The following IL1RAPL1 variants were observed in gnomAD, a reference collection of about 807,000 sequenced individuals.
IL1RAPL1 encodes the protein interleukin-1 receptor accessory protein-like 1.
A neutral mutation model predicts 48.4 loss-of-function variants in IL1RAPL1; 3 were observed. That is an observed-to-expected ratio of 0.06 (90% CI 0.03 to 0.16). The LOEUF (loss-of-function observed/expected upper bound fraction) is 0.16, where lower values mean the gene tolerates loss of function less well. IL1RAPL1 is among the 10% of genes least tolerant of loss of function. The pLI, the probability that IL1RAPL1 is intolerant of heterozygous loss-of-function variation, is 1.00. For synonymous variants in IL1RAPL1, 185 were observed against 187.7 expected (o/e 0.99, Z 0.12); for missense variants, 349 against 530.6 (o/e 0.66, Z 3.36).
At chrX:29,547,188 T>G (rs1208028833) in intron 5 of IL1RAPL1, among the ~76,000 whole-genome samples, 1 of 111,884 alleles carries the variant, frequency 8.9e-6, no homozygotes, top group East Asian at 2.8e-4. Context: ...TCAATTAAAA[T>G]TTTTTTATAA....
chrX:28,644,620 C>A (rs1156575543), intron 1 of IL1RAPL1, among the ~76,000 whole-genome samples: 1 of 111,198 alleles, frequency 9.0e-6, no homozygotes, highest in Non-Finnish European at 1.9e-5. Flanking sequence ...GGCTTGTCAG[C>A]CTGCATAATC....
chrX:29,892,871 G>A (rs971299729), intron 6 of IL1RAPL1, among the ~76,000 whole-genome samples: 3 of 112,083 alleles, frequency 2.7e-5, no homozygotes, highest in African/African-American at 9.7e-5. Context: ...TGCTTATGGA[G>A]ACTGCTAGAG....
chrX:29,343,541 C>T (rs1239636192), intron 3 of IL1RAPL1, among the ~76,000 whole-genome samples: 1 of 111,687 alleles, frequency 9.0e-6, no homozygotes, highest in Non-Finnish European at 1.9e-5. Context: ...TTCCACAGAA[C>T]CAAGCACACA....
At chrX:29,879,560 G>T (rs1404889824) in intron 6 of IL1RAPL1, among the ~76,000 whole-genome samples, 1 of 109,376 alleles carries the variant, frequency 9.1e-6, no homozygotes, top group African/African-American at 3.3e-5. Flanking sequence ...AAATCTATAA[G>T]CATAGAGAAA....
At chrX:29,087,134 ATTT>A (rs34132994) in intron 2 of IL1RAPL1, among the ~76,000 whole-genome samples, 2 of 84,677 alleles carry the variant, frequency 2.4e-5, no homozygotes, top group Admixed American at 1.4e-4. Flanking sequence ...TTATTTAAAA[ATTT>A]TTTTTTTTTT....
Position 28,780,197 on chromosome X carries a change from A to T in IL1RAPL1, c.-24-9123A>T, listed in dbSNP as rs540147570. On this transcript the variant is annotated intron_variant, in intron 1 of 10. Coordinates refer to ENST00000378993, the MANE Select transcript of IL1RAPL1 (RefSeq NM_014271.4). ...TCCCAGAGGCTCCACCTTTCCATGGAAAGGATAGCTAATAATCTCTCTTGC... is the reference window on the plus strand; with the variant it reads ...TCCCAGAGGCTCCACCTTTCCATGGTAAGGATAGCTAATAATCTCTCTTGC... Among the ~76,000 whole-genome samples the T allele has an allele frequency of 3.9e-4, 43 of 111,331 alleles. 1 individual carries two copies. The South Asian group carries it at 0.016, about 41-fold the overall frequency.
Position 28,817,515 on chromosome X carries a change from C to G in IL1RAPL1, c.82+28090C>G, listed in dbSNP as rs185829063. Among the ~76,000 whole-genome samples, 669 of 111,178 alleles carry G rather than the reference C, an allele frequency of 6.0e-3. 4 individuals carry two copies. The highest frequency in any genetic ancestry group is 8.8e-3 in the Non-Finnish European group (464 of 52,708). On this transcript the variant is annotated intron_variant, in intron 2 of 10. Transcript: ENST00000378993. ...GACTGCTGGCAGAGTCAATATAATG[C>G]ATAATGTGCTTAGAGACATTTCTGA...
At chrX:29,769,187 A>G (rs1047898326) in intron 6 of IL1RAPL1, among the ~76,000 whole-genome samples, 1 of 111,309 alleles carries the variant, frequency 9.0e-6, no homozygotes, top group African/African-American at 3.3e-5. Context: ...AGATTCAGCC[A>G]CATTGTAGGA....
intron 5 of IL1RAPL1, among the ~76,000 whole-genome samples, chrX:29,664,904 A>G (rs1335117740): frequency 1.8e-5 from 2 of 112,170 alleles, no homozygotes; most frequent in African/African-American, 6.5e-5. Context: ...GTGTCCTTAA[A>G]ATGTTCCTTC....
chrX:28,698,494 C>A (rs1601863424), intron 1 of IL1RAPL1, among the ~76,000 whole-genome samples: 1 of 111,232 alleles, frequency 9.0e-6, no homozygotes, highest in South Asian at 3.7e-4. Context: ...TCAATAATAT[C>A]GACTTTAATT....
At chrX:29,246,836 T>C (rs1289910541) in intron 2 of IL1RAPL1, among the ~76,000 whole-genome samples, 1 of 111,080 alleles carries the variant, frequency 9.0e-6, no homozygotes, top group Non-Finnish European at 1.9e-5. Flanking sequence ...TTCTGAAAGT[T>C]TGGCCTCAGG....
chrX:28,779,978 T>C (rs980829039), intron 1 of IL1RAPL1, among the ~76,000 whole-genome samples: 1 of 109,454 alleles, frequency 9.1e-6, no homozygotes, highest in African/African-American at 3.3e-5. Flanking sequence ...TAAAGGAATA[T>C]TGAACTCAAT....
chrX:28,973,291 T>C (rs1925128884), intron 2 of IL1RAPL1, among the ~76,000 whole-genome samples: 1 of 110,866 alleles, frequency 9.0e-6, no homozygotes, highest in Non-Finnish European at 1.9e-5. Flanking sequence ...ATGAGTGAAT[T>C]CTCTACCCAT....
intron 2 of IL1RAPL1, among the ~76,000 whole-genome samples, chrX:29,177,278 T>C (rs1242932266): frequency 8.9e-6 from 1 of 112,152 alleles, no homozygotes; most frequent in Non-Finnish European, 1.9e-5. Context: ...ACTTGTTTTA[T>C]TGGCTCATTT....
intron 2 of IL1RAPL1, among the ~76,000 whole-genome samples, chrX:29,225,837 GTAGAAGGTTTA>G (rs1482495142): frequency 2.1e-4 from 23 of 111,870 alleles, no homozygotes; most frequent in African/African-American, 7.1e-4. Context: ...TTCCTAGGTT[GTAGAAGGTTTA>G]CATCTGAAAG....
At chrX:28,740,339 T>C (rs1935892178) in intron 1 of IL1RAPL1, among the ~76,000 whole-genome samples, 1 of 111,918 alleles carries the variant, frequency 8.9e-6, no homozygotes, top group Admixed American at 9.5e-5. Flanking sequence ...GAGCAGAAGT[T>C]AGAATTAGCA....
chrX:29,548,282 G>C (rs1921695186), intron 5 of IL1RAPL1, among the ~76,000 whole-genome samples: 1 of 112,381 alleles, frequency 8.9e-6, no homozygotes, highest in African/African-American at 3.2e-5. Flanking sequence ...TGTGAAACTA[G>C]TTCTGATCAT....
At chrX:28,896,865 C>T (rs1444757082) in intron 2 of IL1RAPL1, among the ~76,000 whole-genome samples, 2 of 110,718 alleles carry the variant, frequency 1.8e-5, no homozygotes, top group African/African-American at 3.3e-5. Flanking sequence ...ACGTCAGGCA[C>T]CTCAGACCGT....
intron 1 of IL1RAPL1, among the ~76,000 whole-genome samples, chrX:28,743,856 T>C (rs1935940603): frequency 9.0e-6 from 1 of 111,178 alleles, no homozygotes; most frequent in African/African-American, 3.3e-5. Flanking sequence ...ACTGTTTTAA[T>C]TTTCTGAAAT....
Sources: gnomAD v4.1 joint callset for allele counts (sites outside exome capture counted in the v4.1 genomes callset) on GRCh38, gnomAD v4.1.1 for gene constraint, MANE v1.5 for transcripts, NCBI Gene and HGNC (gene_info 2026-07-23, HGNC 2026-07-21) for gene names.